The following PIP5K1B variants were observed in gnomAD, a reference collection of about 807,000 sequenced individuals.
PIP5K1B encodes the protein phosphatidylinositol-4-phosphate 5-kinase type 1 beta.
A neutral mutation model predicts 67.0 loss-of-function variants in PIP5K1B; 42 were observed. The observed-to-expected ratio is 0.63, with a 90% confidence interval of 0.49 to 0.81. The LOEUF (loss-of-function observed/expected upper bound fraction) is 0.81. Ranked by LOEUF, PIP5K1B falls within the 30% of genes least tolerant of loss-of-function variation. The pLI is 0.00. For missense variants in PIP5K1B, 459 were observed against 646.3 expected (o/e 0.71, Z 3.14); for synonymous variants, 214 against 231.4 (o/e 0.92, Z 0.68).
chr9:68,762,432 T>G (rs1830227394), intron 2 of PIP5K1B, among the ~76,000 whole-genome samples: 1 of 152,122 alleles, frequency 6.6e-6, no homozygotes, highest in African/African-American at 2.4e-5. Context: ...CAGTCCACTC[T>G]TGGGTAGATT....
At chr9:68,779,580 C>G (rs1321954401) in intron 2 of PIP5K1B, among the ~76,000 whole-genome samples, 1 of 152,178 alleles carries the variant, frequency 6.6e-6, no homozygotes, top group Admixed American at 6.5e-5. Flanking sequence ...TCTGGTCCAC[C>G]ACCTCACGTC....
At chr9:68,956,609 T>C (rs779052139) in intron 14 of PIP5K1B, among the ~76,000 whole-genome samples, 1 of 152,232 alleles carries the variant, frequency 6.6e-6, no homozygotes. Context: ...TATGATGTGA[T>C]TTGGGCTAAG....
intron 4 of PIP5K1B, among the ~76,000 whole-genome samples, chr9:68,823,143 A>G (rs1278166635): frequency 6.6e-6 from 1 of 152,218 alleles, no homozygotes; most frequent in Non-Finnish European, 1.5e-5. Context: ...AATATTAATA[A>G]AAATTAATAT....
At chr9:68,712,530 G>A (rs1042029585) in intron 1 of PIP5K1B, among the ~76,000 whole-genome samples, 4 of 152,130 alleles carry the variant, frequency 2.6e-5, no homozygotes, top group African/African-American at 9.7e-5. Flanking sequence ...TGTTTTTCTA[G>A]TGTTTGGCAC....
At position 69,008,558 on chromosome 9, in the gene PIP5K1B, A is replaced by G. The variant is rs1262068643; in HGVS notation, c.*109A>G. 16 of 1,028,656 alleles carry G rather than the reference A, an allele frequency of 1.6e-5. No individual in the cohort carries two copies. Among genetic ancestry groups the G allele is most frequent in the Middle Eastern group, 2.0e-4 (1 of 4,932 alleles). 63.7% of individuals were successfully genotyped at this position (1,028,656 alleles called of 1,614,324 possible). On this transcript the variant is annotated 3_prime_UTR_variant, in exon 16 of 16. Transcript: ENST00000265382. ...CAGCAACTTGGCTGAGCCCCACTAC[A>G]CACAGAGAAATCATCAACCTGACTT...
chr9:68,819,868 T>TG (rs1411441555), intron 3 of PIP5K1B, among the ~76,000 whole-genome samples: 2 of 152,210 alleles, frequency 1.3e-5, no homozygotes, highest in African/African-American at 4.8e-5. Context: ...TGATAGTTCA[T>TG]GGCCTTCGTT....
chr9:68,988,011 T>G (rs905151548), intron 14 of PIP5K1B, among the ~76,000 whole-genome samples: 6 of 152,222 alleles, frequency 3.9e-5, no homozygotes, highest in Admixed American at 2.6e-4. Context: ...TTACATTTCC[T>G]GATTTCGATA....
intron 15 of PIP5K1B, among the ~76,000 whole-genome samples, chr9:68,993,169 A>C (rs1361578298): frequency 6.6e-6 from 1 of 151,670 alleles, no homozygotes; most frequent in Non-Finnish European, 1.5e-5. Context: ...CTCCAAAAAA[A>C]AAAAAGTCCT....
intron 4 of PIP5K1B, among the ~76,000 whole-genome samples, chr9:68,830,705 GTGT>G (rs372189488): frequency 1.1e-4 from 16 of 152,338 alleles, no homozygotes; most frequent in African/African-American, 3.8e-4. Context: ...AAACCCCACA[GTGT>G]TGTTGAGTTT....
At chr9:68,971,657 T>C (rs1228598006) in intron 14 of PIP5K1B, among the ~76,000 whole-genome samples, 1 of 152,238 alleles carries the variant, frequency 6.6e-6, no homozygotes, top group African/African-American at 2.4e-5. Context: ...CCAGCATCTG[T>C]TGTTTCCTGA....
intron 2 of PIP5K1B, among the ~76,000 whole-genome samples, chr9:68,791,754 T>A (rs1001482445): frequency 6.6e-5 from 10 of 152,242 alleles, no homozygotes; most frequent in African/African-American, 2.2e-4. Context: ...TTGCTTTCAG[T>A]TATTTCTAAA....
chr9:68,979,478 G>A (rs987091475), intron 14 of PIP5K1B, among the ~76,000 whole-genome samples: 11 of 107,058 alleles, frequency 1.0e-4, no homozygotes, highest in Admixed American at 8.8e-4. Context: ...GGTGAAAAAG[G>A]TCCCTGAACT....
chr9:68,969,252 C>T (rs904690654), intron 14 of PIP5K1B, among the ~76,000 whole-genome samples: 3 of 151,552 alleles, frequency 2.0e-5, no homozygotes, highest in Non-Finnish European at 4.4e-5. Flanking sequence ...CCTGTAGTCC[C>T]GGCTACTCGG....
chr9:68,978,526 C>A (rs1829737337), intron 14 of PIP5K1B, among the ~76,000 whole-genome samples: 1 of 152,174 alleles, frequency 6.6e-6, no homozygotes, highest in Non-Finnish European at 1.5e-5. Flanking sequence ...AGATAAGGCA[C>A]ACTTAGGTTG....
chr9:68,969,059 C>T (rs751370866), intron 14 of PIP5K1B, among the ~76,000 whole-genome samples: 15 of 152,006 alleles, frequency 9.9e-5, no homozygotes, highest in Non-Finnish European at 2.2e-4. Flanking sequence ...TAATACCTAC[C>T]CTGATGGGTT....
At chr9:68,888,865 C>T (rs958129244) in intron 6 of PIP5K1B, 116 bp from the exon 7 acceptor site, 30 of 676,566 alleles carry the variant, frequency 4.4e-5, no homozygotes, top group South Asian at 2.1e-4. Context: ...TTTTAAAGCC[C>T]GTAGAGAGGC....
At chr9:68,793,256 A>G (rs1832099223) in intron 2 of PIP5K1B, among the ~76,000 whole-genome samples, 1 of 152,132 alleles carries the variant, frequency 6.6e-6, no homozygotes, top group African/African-American at 2.4e-5. Flanking sequence ...TGTATGAAGG[A>G]CACTGGCTTT....
chr9:68,910,589 T>G (rs1354909895), intron 8 of PIP5K1B, among the ~76,000 whole-genome samples: 1 of 152,202 alleles, frequency 6.6e-6, no homozygotes, highest in African/African-American at 2.4e-5. Flanking sequence ...ATGCACTAAG[T>G]CAAACCAGTC....
At chr9:68,778,453 A>T (rs1315986062) in intron 2 of PIP5K1B, among the ~76,000 whole-genome samples, 1 of 152,192 alleles carries the variant, frequency 6.6e-6, no homozygotes, top group East Asian at 1.9e-4. Flanking sequence ...CAGTTTAAAT[A>T]AAAAAAGCTA....
Sources: allele counts gnomAD v4.1 joint callset (sites outside exome capture counted in the v4.1 genomes callset), GRCh38; gene constraint gnomAD v4.1.1; transcripts MANE v1.5; gene names NCBI Gene and HGNC (gene_info 2026-07-23, HGNC 2026-07-21).